ANKRD12: variants seen among roughly 807,000 people sequenced by gnomAD.
ANKRD12 encodes the protein ankyrin repeat domain-containing protein 12.
Under a neutral mutation model 183.4 loss-of-function variants are expected in ANKRD12, and 85 were observed. The ratio of observed to expected loss-of-function variants is 0.46; its 90% CI spans 0.39 to 0.56. The LOEUF (loss-of-function observed/expected upper bound fraction) is 0.56. ANKRD12 is among the 20% of genes least tolerant of loss of function. The pLI is 0.00. For synonymous variants in ANKRD12, 914 were observed against 800.2 expected, an observed-to-expected ratio of 1.14 and a Z score of -2.40; for missense variants, 2,405 against 2,357.1, an observed-to-expected ratio of 1.02 and a Z score of -0.42.
At chr18:9,145,481 GTAT>G (rs774775596) in intron 1 of ANKRD12, among the ~76,000 whole-genome samples, 3 of 152,234 alleles carry the variant, frequency 2.0e-5, no homozygotes, top group Non-Finnish European at 4.4e-5. Flanking sequence ...TAGGAGGATA[GTAT>G]TATTCCTTAA....
chr18:9,141,685 G>A (rs566527984), intron 1 of ANKRD12, among the ~76,000 whole-genome samples: 8 of 152,112 alleles, frequency 5.3e-5, no homozygotes, highest in South Asian at 2.1e-4. Flanking sequence ...GTCATCTTTG[G>A]CCAATTCCTT....
In ANKRD12 at chr18:9,258,751, C is replaced by T. The variant is rs754089025; in HGVS notation, c.5484C>T (p.Tyr1828=). ...DSLKLDEIQP[Y]SSERANPYFE... is the part of the protein sequence containing the mutation. The stretch of plus-strand genomic sequence containing the variant: ...TAAAACTAGATGAGATTCAGCCATA[C>T]AGTTCAGAGAGAGCAAATCCATATT... Residue 1828 remains tyrosine, a synonymous_variant, in exon 9 of 13, where the codon TAC becomes TAT. Coordinates refer to ENST00000262126, the MANE Select transcript of ANKRD12 (RefSeq NM_015208.5). 4.3e-6 allele frequency: 7 copies of T among 1,613,774 alleles called. No homozygotes were observed. The highest frequency in any genetic ancestry group is 5.9e-6 in the Non-Finnish European group (7 of 1,179,860).
rs78562957 is a variant in ANKRD12 at position 9,156,344 on chromosome 18, T to C, written c.-52+19379T>C. 1.7e-3 allele frequency among the ~76,000 whole-genome samples: 254 copies of C among 151,862 alleles called. 7 individuals carry two copies. In the East Asian group the frequency reaches 0.042, roughly 25 times the overall value. ...AGATAATTTTGAAAAAGAAAAACGGTGAGGAGGGAGTAAAATTAGTATTAG... is the reference window on the plus strand; with the variant it reads ...AGATAATTTTGAAAAAGAAAAACGGCGAGGAGGGAGTAAAATTAGTATTAG... On this transcript the variant is annotated intron_variant, in intron 1 of 12. Coordinates refer to ENST00000262126, the MANE Select transcript of ANKRD12 (RefSeq NM_015208.5).
At chr18:9,268,987 CAG>C (rs1340250326) in intron 10 of ANKRD12, among the ~76,000 whole-genome samples, 9 of 151,910 alleles carry the variant, frequency 5.9e-5, no homozygotes, top group African/African-American at 2.2e-4. Context: ...AACAGACAAA[CAG>C]AGCCAAATCA....
intron 2 of ANKRD12, among the ~76,000 whole-genome samples, chr18:9,183,725 C>T (rs975529913): frequency 6.6e-6 from 1 of 151,978 alleles, no homozygotes; most frequent in Non-Finnish European, 1.5e-5. Flanking sequence ...CTTTACTTCT[C>T]GCCCCCCTTT....
intron 1 of ANKRD12, among the ~76,000 whole-genome samples, chr18:9,142,538 A>G (rs1403200342): frequency 1.3e-5 from 2 of 152,242 alleles, no homozygotes; most frequent in Non-Finnish European, 2.9e-5. Flanking sequence ...ACCCGTTCTG[A>G]AACAGAGTAG....
chr18:9,267,522 CT>C, intron 10 of ANKRD12, among the ~76,000 whole-genome samples: 1 of 152,280 alleles, frequency 6.6e-6, no homozygotes, highest in African/African-American at 2.4e-5. Context: ...TGACTGACTA[CT>C]GGGTACATAA....
intron 1 of ANKRD12, among the ~76,000 whole-genome samples, chr18:9,154,210 C>T (rs1346629280): frequency 6.6e-6 from 1 of 152,032 alleles, no homozygotes; most frequent in Non-Finnish European, 1.5e-5. Flanking sequence ...TGACTTGAGC[C>T]CAGCAGTTCA....
At chr18:9,196,134 CACACACACACACACACAT>C (rs1317702944) in intron 3 of ANKRD12, among the ~76,000 whole-genome samples, 2 of 150,472 alleles carry the variant, frequency 1.3e-5, no homozygotes, top group African/African-American at 5.0e-5. Context: ...CACACACACA[CACACACACACACACACAT>C]TGAGGCTAAC....
chr18:9,210,313 T>G (rs554276300), intron 5 of ANKRD12, among the ~76,000 whole-genome samples: 2 of 152,306 alleles, frequency 1.3e-5, no homozygotes, highest in Admixed American at 1.3e-4. Context: ...CTGTGGTATA[T>G]GAGAAGTCTT....
At chr18:9,266,699 T>C (rs1291969761) in intron 10 of ANKRD12, among the ~76,000 whole-genome samples, 15 of 151,904 alleles carry the variant, frequency 9.9e-5, no homozygotes, top group South Asian at 8.3e-4. Context: ...TAGGAAGAAA[T>C]TGCATCAACT....
At chr18:9,239,955 T>G (rs2037565007) in intron 8 of ANKRD12, among the ~76,000 whole-genome samples, 1 of 152,232 alleles carries the variant, frequency 6.6e-6, no homozygotes, top group African/African-American at 2.4e-5. Flanking sequence ...ATTAACTGTT[T>G]GTTACCAGCC....
intron 1 of ANKRD12, among the ~76,000 whole-genome samples, chr18:9,153,002 T>TA (rs2078733779): frequency 6.6e-6 from 1 of 152,184 alleles, no homozygotes; most frequent in African/African-American, 2.4e-5. Flanking sequence ...ATTTCTTTTT[T>TA]AAAAAATTTT....
At chr18:9,271,397 C>T (rs1311577786) in intron 10 of ANKRD12, among the ~76,000 whole-genome samples, 5 of 152,168 alleles carry the variant, frequency 3.3e-5, no homozygotes, top group Admixed American at 6.5e-5. Context: ...TGGCGGCACA[C>T]GCGTTTAGCA....
chr18:9,195,449 ACTAT>A (rs2034723837), intron 2 of ANKRD12, 98 bp from the exon 3 acceptor site: 1 of 765,628 alleles, frequency 1.3e-6, no homozygotes, highest in African/African-American at 1.8e-5. Flanking sequence ...GATAGGTAAT[ACTAT>A]CTCTTTTTGT....
At chr18:9,251,764 A>G (rs530579086) in intron 8 of ANKRD12, among the ~76,000 whole-genome samples, 68 of 152,244 alleles carry the variant, frequency 4.5e-4, no homozygotes, top group Non-Finnish European at 9.3e-4. Context: ...ACTGCACTCC[A>G]CCTGGGCGAC....
chr18:9,181,035 G>A (rs1216206109), intron 1 of ANKRD12, among the ~76,000 whole-genome samples: 1 of 152,150 alleles, frequency 6.6e-6, no homozygotes, highest in Non-Finnish European at 1.5e-5. Flanking sequence ...TGAGGACAGT[G>A]CTATGTTTAA....
intron 1 of ANKRD12, among the ~76,000 whole-genome samples, chr18:9,165,611 C>T (rs1421726155): frequency 4.6e-5 from 7 of 152,078 alleles, no homozygotes; most frequent in Non-Finnish European, 4.4e-5. Flanking sequence ...TAGTATTTGT[C>T]CTTTTGTGAC....
chr18:9,252,154 C>A (rs1263261314), intron 8 of ANKRD12, among the ~76,000 whole-genome samples: 1 of 152,164 alleles, frequency 6.6e-6, no homozygotes, highest in East Asian at 1.9e-4. Flanking sequence ...AAAGGCAGAA[C>A]AAACATTTTT....
Sources: allele counts gnomAD v4.1 joint callset (sites outside exome capture counted in the v4.1 genomes callset), GRCh38; gene constraint gnomAD v4.1.1; transcripts MANE v1.5; gene names NCBI Gene and HGNC (gene_info 2026-07-23, HGNC 2026-07-21).